The following RRAGD variants were observed in gnomAD, a reference collection of about 807,000 sequenced individuals.
RRAGD encodes the protein ras-related GTP-binding protein D.
Under a neutral mutation model 35.5 loss-of-function variants are expected in RRAGD, and 12 were observed. The ratio of observed to expected loss-of-function variants is 0.34; its 90% CI spans 0.22 to 0.55. The LOEUF (loss-of-function observed/expected upper bound fraction) is 0.55, where lower values mean the gene tolerates loss of function less well. Ranked by LOEUF, RRAGD falls within the 20% of genes least tolerant of loss-of-function variation. The pLI, the probability that RRAGD is intolerant of heterozygous loss-of-function variation, is 0.91. For missense variants in RRAGD, 324 were observed against 490.1 expected, an observed-to-expected ratio of 0.66 and a Z score of 3.20; for synonymous variants, 155 against 178.9, an observed-to-expected ratio of 0.87 and a Z score of 1.07.
intron 6 of RRAGD, among the ~76,000 whole-genome samples, chr6:89,372,183 GA>G (rs1009992474): frequency 4.6e-5 from 7 of 152,202 alleles, no homozygotes; most frequent in African/African-American, 1.2e-4. Flanking sequence ...CCCCTGGGAG[GA>G]TCATGGGGTT....
chr6:89,387,257 C>T (rs370793706), intron 2 of RRAGD, 38 bp downstream of exon 2: 108 of 1,585,548 alleles, frequency 6.8e-5, no homozygotes, highest in African/African-American at 3.8e-4. Context: ...TGGAGGGGAC[C>T]GGCCAGGCCA....
intron 1 of RRAGD, among the ~76,000 whole-genome samples, chr6:89,391,075 T>C (rs1312023656): frequency 1.3e-5 from 2 of 151,844 alleles, no homozygotes; most frequent in African/African-American, 2.4e-5. Context: ...CATGAATGGA[T>C]GAAAAGAATG....
intron 2 of RRAGD, among the ~76,000 whole-genome samples, chr6:89,380,912 G>GAA (rs60978384): frequency 0.031 from 4,301 of 136,724 alleles, 234 homozygotes; most frequent in African/African-American, 0.11. Context: ...GTCACAAAAA[G>GAA]AAAAAAAAAA....
intron 1 of RRAGD, among the ~76,000 whole-genome samples, chr6:89,402,037 G>GTTTTTTTTTT (rs1194197994): frequency 1.3e-4 from 7 of 52,300 alleles, no homozygotes; most frequent in African/African-American, 2.9e-4. Flanking sequence ...AAATCCTAAG[G>GTTTTTTTTTT]ATTTTTTTTT....
chr6:89,383,694 T>G (rs1392572467), intron 2 of RRAGD, among the ~76,000 whole-genome samples: 1 of 152,204 alleles, frequency 6.6e-6, no homozygotes, highest in Non-Finnish European at 1.5e-5. Flanking sequence ...CTTTCATTCT[T>G]TTTTATTTTA....
chr6:89,386,802 T>C (rs1387285536), intron 2 of RRAGD, among the ~76,000 whole-genome samples: 2 of 152,198 alleles, frequency 1.3e-5, no homozygotes, highest in Non-Finnish European at 2.9e-5. Flanking sequence ...GGGATATTTA[T>C]CTCAAATTTT....
intron 1 of RRAGD, among the ~76,000 whole-genome samples, chr6:89,402,089 C>T (rs1391908890): frequency 7.6e-6 from 1 of 130,872 alleles, no homozygotes; most frequent in Admixed American, 8.3e-5. Flanking sequence ...GCTGTGTCAC[C>T]CAGGCTAGAG....
chr6:89,411,954 C>CCTCGTCCTGCGGCTGCGG lies in RRAGD; in HGVS notation c.22_39dup (p.Pro8_Glu13dup). The CCTCGTCCTGCGGCTGCGG allele has an allele frequency of 6.5e-7, 1 of 1,538,554 alleles. No homozygotes were observed. Among genetic ancestry groups the CCTCGTCCTGCGGCTGCGG allele is most frequent in the African/African-American group, 1.4e-5 (1 of 72,802 alleles). ...TCCTCCTCCTCCTCCTCCGCGTCGT[C>CCTCGTCCTGCGGCTGCGG]CTCGTCCTGCGGCTGCGGCTTCCCC... On this transcript the variant is annotated inframe_insertion, in exon 1 of 7. Coordinates refer to ENST00000369415, the MANE Select transcript of RRAGD (RefSeq NM_021244.5). This position sits in a 1 kb window ranked among gnomAD's most constrained non-coding sequence, Gnocchi z 5.6.
intron 2 of RRAGD, 54 bp downstream of exon 2, chr6:89,387,241 G>A: frequency 1.3e-6 from 2 of 1,539,002 alleles, no homozygotes; most frequent in Non-Finnish European, 8.8e-7. Flanking sequence ...AAAACATGGG[G>A]TGGGGTGGAG....
chr6:89,371,157 G>A (rs1251322506), intron 6 of RRAGD, among the ~76,000 whole-genome samples: 3 of 151,838 alleles, frequency 2.0e-5, no homozygotes, highest in Non-Finnish European at 1.5e-5. Flanking sequence ...AAGGAATGAA[G>A]GAAGGGAGAA....
chr6:89,368,205 G>C lies in RRAGD; in HGVS notation c.1054C>G (p.Leu352Val). Residue 352 changes from leucine (L) to valine (V), a missense_variant and splice_region_variant, in exon 7 of 7, where the codon CTA (leucine) becomes GTA (valine). Physicochemically the swap from Leu to Val is conservative, Grantham distance 32 (BLOSUM62 1). Transcript: ENST00000369415. ...AAGCAATGAAAATTATAGTCAATTA[G>C]CCCTGGAGAAGAGAACAAAAATATT... The part of the protein sequence containing the change: ...VREESFERKG[L>V]IDYNFHCFRK... The C allele has an allele frequency of 1.9e-6, 3 of 1,609,774 alleles. No homozygotes were observed. The highest frequency in any genetic ancestry group is 2.5e-6 in the Non-Finnish European group (3 of 1,178,754).
At chr6:89,403,885 T>C (rs1476911522) in intron 1 of RRAGD, among the ~76,000 whole-genome samples, 1 of 152,134 alleles carries the variant, frequency 6.6e-6, no homozygotes, top group African/African-American at 2.4e-5. Flanking sequence ...CTTGAACACC[T>C]GGGCTCAAGC....
intron 1 of RRAGD, among the ~76,000 whole-genome samples, chr6:89,404,696 CA>C (rs1298222976): frequency 6.6e-6 from 1 of 152,136 alleles, no homozygotes; most frequent in Non-Finnish European, 1.5e-5. Flanking sequence ...AGAGCCCTGT[CA>C]AAAACCAACA....
Position 89,412,018 on chromosome 6 carries a change from G to A in RRAGD, c.-25C>T, listed in dbSNP as rs746146093. 6.6e-7 allele frequency: 1 copy of A among 1,520,060 alleles called. No individual in the cohort carries two copies. The highest frequency in any genetic ancestry group is 8.8e-7 in the Non-Finnish European group (1 of 1,138,888). 94.2% of individuals were successfully genotyped at this position (1,520,060 alleles called of 1,614,324 possible). On this transcript the variant is annotated 5_prime_UTR_variant, in exon 1 of 7. Transcript: ENST00000369415. The surrounding 1 kb of genome is among the most constrained non-coding windows in gnomAD (Gnocchi z 4.2). ...TCGTGCCCACCGGCCGGCCGGCCCG[G>A]GGACGGCGGGGGTCCCGGGGTGGGG... is the stretch of plus-strand genomic sequence containing the variant.
intron 3 of RRAGD, 61 bp from the exon 4 acceptor site, chr6:89,379,399 G>C: frequency 1.2e-6 from 1 of 841,074 alleles, no homozygotes; most frequent in Non-Finnish European, 1.9e-6. Flanking sequence ...GGCTGCTTAG[G>C]CTATGTCAAA....
chr6:89,405,703 T>C (rs1234918321), intron 1 of RRAGD, among the ~76,000 whole-genome samples: 2 of 152,156 alleles, frequency 1.3e-5, no homozygotes, highest in Non-Finnish European at 2.9e-5. Flanking sequence ...TAAGGGAAAA[T>C]TAGAATTTCT....
At chr6:89,401,924 A>G (rs1364120002) in intron 1 of RRAGD, among the ~76,000 whole-genome samples, 2 of 151,858 alleles carry the variant, frequency 1.3e-5, no homozygotes, top group African/African-American at 4.8e-5. Context: ...ACATGGCATG[A>G]GTTCAATACA....
chr6:89,377,815 T>C lies in RRAGD; in HGVS notation c.760-2A>G. The stretch of plus-strand genomic sequence containing the variant: ...AAATGCCTTTTCAATTCCAGAATTC[T>C]GAAATTTAAAAAAAAAAGTTGCCTT... On this transcript the variant is annotated splice_acceptor_variant, in intron 4 of 6. Coordinates refer to ENST00000369415, the MANE Select transcript of RRAGD (RefSeq NM_021244.5). LOFTEE classifies it high-confidence loss of function. 6 of 1,591,186 alleles carry C rather than the reference T, an allele frequency of 3.8e-6. No homozygotes were observed. The highest frequency in any genetic ancestry group is 1.9e-5 in the Admixed American group (1 of 53,618).
intron 1 of RRAGD, among the ~76,000 whole-genome samples, chr6:89,393,329 T>C (rs1769272674): frequency 6.7e-6 from 1 of 149,664 alleles, no homozygotes; most frequent in Admixed American, 6.6e-5. Flanking sequence ...GTAGAACTGG[T>C]GGAATCCCAC....
Sources: gnomAD v4.1 joint callset for allele counts (sites outside exome capture counted in the v4.1 genomes callset) on GRCh38, gnomAD v4.1.1 for gene constraint, Gnocchi (gnomAD v3.1) non-coding constraint, MANE v1.5 for transcripts, NCBI Gene and HGNC (gene_info 2026-07-23, HGNC 2026-07-21) for gene names.